Variants in DMD observed in about 807,000 individuals in gnomAD.
DMD encodes the protein mutant dystrophin.
Under a neutral mutation model 330.1 loss-of-function variants are expected in DMD, and 63 were observed. The observed-to-expected ratio is 0.19, with a 90% confidence interval of 0.16 to 0.24. The LOEUF (loss-of-function observed/expected upper bound fraction) is 0.24. Ranked by LOEUF, DMD falls within the 10% of genes least tolerant of loss-of-function variation. DMD has a pLI of 1.00. For missense variants in DMD, 3,344 were observed against 2,684.1 expected, an observed-to-expected ratio of 1.25 and a Z score of -5.43; for synonymous variants, 1,223 against 959.8, an observed-to-expected ratio of 1.27 and a Z score of -5.07.
intron 53 of DMD, among the ~76,000 whole-genome samples, chrX:31,660,018 T>G (rs922252657): frequency 8.9e-6 from 1 of 112,024 alleles, no homozygotes; most frequent in Non-Finnish European, 1.9e-5. Context: ...ACATATACAA[T>G]CTATATATAA....
At chrX:32,720,969 T>C (rs893944210) in intron 7 of DMD, among the ~76,000 whole-genome samples, 1 of 111,430 alleles carries the variant, frequency 9.0e-6, no homozygotes, top group Non-Finnish European at 1.9e-5. Context: ...TAACGTAGCA[T>C]ATTTTTTTCT....
At chrX:31,388,393 G>A (rs776770914) in intron 60 of DMD, among the ~76,000 whole-genome samples, 2 of 110,592 alleles carry the variant, frequency 1.8e-5, no homozygotes, top group Non-Finnish European at 3.8e-5. Flanking sequence ...CTAAAATGGC[G>A]CCTGGCATAT....
chrX:32,335,624 A>G (rs2097703682), intron 41 of DMD, among the ~76,000 whole-genome samples: 1 of 107,266 alleles, frequency 9.3e-6, no homozygotes, highest in African/African-American at 3.4e-5. Context: ...CAAACATGTT[A>G]TATACATAAC....
chrX:32,547,700 G>C lies in DMD; in HGVS notation c.1993-2366C>G, dbSNP rs1290492498. 2.7e-5 allele frequency among the ~76,000 whole-genome samples: 3 copies of C among 110,964 alleles called. No individual in the cohort carries two copies. In the Admixed American group the frequency reaches 2.9e-4, roughly 11 times the overall value. On this transcript the variant is annotated intron_variant, in intron 16 of 78. Coordinates refer to ENST00000357033, the MANE Select transcript of DMD (RefSeq NM_004006.3). Reference sequence around the variant, plus strand: ...ATTATTGACACTTAATTATGTGTTAGAATCATTAGGAAATATAGACAGGAG... The same window carrying C: ...ATTATTGACACTTAATTATGTGTTACAATCATTAGGAAATATAGACAGGAG...
chrX:32,818,550 A>G (rs983239860), intron 5 of DMD, among the ~76,000 whole-genome samples: 3 of 111,998 alleles, frequency 2.7e-5, no homozygotes, highest in Admixed American at 9.5e-5. Context: ...AAACAGATGT[A>G]TTTGTGTGTG....
At chrX:32,366,607 G>C (rs1483219406) in intron 34 of DMD, among the ~76,000 whole-genome samples, 1 of 111,692 alleles carries the variant, frequency 9.0e-6, no homozygotes, top group African/African-American at 3.3e-5. Context: ...ACAAGAGTAA[G>C]AAATTAGGTA....
intron 43 of DMD, among the ~76,000 whole-genome samples, chrX:32,284,121 T>C (rs898899197): frequency 9.0e-6 from 1 of 111,593 alleles, no homozygotes; most frequent in African/African-American, 3.3e-5. Context: ...TTTCTGCCCA[T>C]TGTTAAACCT....
At position 32,405,234 on chromosome X, in the gene DMD, C is replaced by T. The variant is rs766395011; in HGVS notation, c.4233+6518G>A. Among the ~76,000 whole-genome samples, 4 of 111,593 alleles carry T rather than the reference C, an allele frequency of 3.6e-5. No individual in the cohort carries two copies. The East Asian group carries it at 8.4e-4, about 24-fold the overall frequency. ...AAGATTTGATTTGATTGCTCCGGGG[C>T]TCAGCATGGTTACTTAGACTGTTGC... On this transcript the variant is annotated intron_variant, in intron 30 of 78. Transcript: ENST00000357033.
chrX:32,042,186 C>T (rs868134594), intron 44 of DMD, among the ~76,000 whole-genome samples: 1 of 38,097 alleles, frequency 2.6e-5, no homozygotes, highest in African/African-American at 1.2e-4. Context: ...TATATACATA[C>T]ATATACACAC....
chrX:31,692,061 C>T (rs187639637), intron 52 of DMD, among the ~76,000 whole-genome samples: 26 of 111,482 alleles, frequency 2.3e-4, no homozygotes, highest in Non-Finnish European at 1.9e-5. Flanking sequence ...GAAAACCCAT[C>T]GTGTATCTTT....
rs765609678 is a variant in DMD at position 32,727,524 on chromosome X, C to T, written c.650-28231G>A. On this transcript the variant is annotated intron_variant, in intron 7 of 78. Coordinates refer to ENST00000357033, the MANE Select transcript of DMD (RefSeq NM_004006.3). ...TTTTTCTATATCAGGCCTCTGCTTGCATTGATATTATTGGTCCCTTCAGTG... is the reference window on the plus strand; with the variant it reads ...TTTTTCTATATCAGGCCTCTGCTTGTATTGATATTATTGGTCCCTTCAGTG... 2.1e-4 allele frequency among the ~76,000 whole-genome samples: 23 copies of T among 110,326 alleles called. 1 individual carries two copies. The highest frequency in any genetic ancestry group is 7.6e-4 in the African/African-American group (23 of 30,447).
At chrX:31,503,946 C>G (rs1221695846) in intron 56 of DMD, among the ~76,000 whole-genome samples, 1 of 110,991 alleles carries the variant, frequency 9.0e-6, no homozygotes, top group Non-Finnish European at 1.9e-5. Flanking sequence ...CTACTAGATT[C>G]TAATGATTAA....
At chrX:32,352,089 C>G (rs548425537) in intron 37 of DMD, among the ~76,000 whole-genome samples, 2 of 110,449 alleles carry the variant, frequency 1.8e-5, no homozygotes, top group African/African-American at 6.5e-5. Flanking sequence ...TTATTTGGAG[C>G]CTAAATTTTA....
chrX:32,862,495 T>G (rs997464536), intron 2 of DMD, among the ~76,000 whole-genome samples: 1 of 112,004 alleles, frequency 8.9e-6, no homozygotes, highest in Admixed American at 9.5e-5. Context: ...ACATGTTTTG[T>G]AATAAAACTA....
intron 56 of DMD, among the ~76,000 whole-genome samples, chrX:31,499,765 G>A (rs2070256392): frequency 9.0e-6 from 1 of 111,717 alleles, no homozygotes; most frequent in Admixed American, 9.4e-5. Context: ...AGTGTTGGGA[G>A]TAGAGGCGTA....
intron 1 of DMD, among the ~76,000 whole-genome samples, chrX:33,148,888 T>G (rs978415079): frequency 8.1e-5 from 9 of 110,847 alleles, no homozygotes; most frequent in African/African-American, 2.6e-4. Context: ...TTTTTGACAT[T>G]TCTTCACTGG....
intron 57 of DMD, among the ~76,000 whole-genome samples, chrX:31,494,063 G>A (rs6631316): frequency 0.36 from 38,286 of 106,445 alleles, 5,716 homozygotes; most frequent in African/African-American, 0.52. Flanking sequence ...AGGCTGAGGC[G>A]GGAGAATTGC....
chrX:31,904,254 CA>C (rs894653667), intron 47 of DMD, among the ~76,000 whole-genome samples: 1 of 111,390 alleles, frequency 9.0e-6, no homozygotes, highest in Non-Finnish European at 1.9e-5. Flanking sequence ...TCTAATTATA[CA>C]AAAAAATTAG....
chrX:32,913,883 C>T, intron 2 of DMD, among the ~76,000 whole-genome samples: 1 of 111,913 alleles, frequency 8.9e-6, no homozygotes, highest in East Asian at 2.8e-4. Flanking sequence ...TACAGCATTC[C>T]TCAGAGGGGT....
Sources: gnomAD v4.1 joint callset for allele counts (sites outside exome capture counted in the v4.1 genomes callset) on GRCh38, gnomAD v4.1.1 for gene constraint, MANE v1.5 for transcripts, NCBI Gene and HGNC (gene_info 2026-07-23, HGNC 2026-07-21) for gene names.